RTL4: variants seen among roughly 807,000 people sequenced by gnomAD.
The protein encoded by RTL4 is retrotransposon Gag like 4.
Under a neutral mutation model 5.3 loss-of-function variants are expected in RTL4, and 4 were observed. The observed-to-expected ratio is 0.75, with a 90% confidence interval of 0.37 to 1.72. RTL4 has a LOEUF of 1.72. Ranked by LOEUF, RTL4 falls within the 40% of genes most tolerant of loss-of-function variation. The pLI is 0.04. For missense variants in RTL4, 260 were observed against 227.1 expected, an observed-to-expected ratio of 1.14 and a Z score of -0.93; for synonymous variants, 98 against 87.3, an observed-to-expected ratio of 1.12 and a Z score of -0.68.
the RTL4 span, among the ~76,000 whole-genome samples, chrX:112,110,032 G>A: frequency 3.6e-5 from 4 of 112,002 alleles, no homozygotes; most frequent in African/African-American, 9.7e-5. Context: ...AATAGGGCCC[G>A]AAGGCGAGTA....
chrX:112,165,436 C>T, the RTL4 span, among the ~76,000 whole-genome samples: 1 of 111,213 alleles, frequency 9.0e-6, no homozygotes, highest in South Asian at 3.8e-4. Flanking sequence ...GTCACTCCAC[C>T]CTCCTGTTCT....
the RTL4 span, among the ~76,000 whole-genome samples, chrX:112,218,951 A>G: frequency 0.25 from 27,810 of 110,991 alleles, 3,351 homozygotes; most frequent in African/African-American, 0.47. Context: ...TCTTAAATGC[A>G]TTTTAGGATT....
At chrX:112,431,169 G>T in the RTL4 span, among the ~76,000 whole-genome samples, 1 of 110,469 alleles carries the variant, frequency 9.1e-6, no homozygotes, top group Non-Finnish European at 1.9e-5. Flanking sequence ...CTCCTACATG[G>T]TAGGTTGGAG....
chrX:112,436,587 A>C, the RTL4 span, among the ~76,000 whole-genome samples: 1 of 111,851 alleles, frequency 8.9e-6, no homozygotes, highest in Non-Finnish European at 1.9e-5. Flanking sequence ...TATTTGCACA[A>C]ATCGATAGGA....
downstream of RTL4, among the ~76,000 whole-genome samples, chrX:112,457,349 A>G (rs1346340798): frequency 1.8e-5 from 2 of 112,169 alleles, no homozygotes; most frequent in Non-Finnish European, 3.8e-5. Context: ...CCCACAACAG[A>G]GACCTGAGTT....
chrX:112,187,778 A>G, the RTL4 span, among the ~76,000 whole-genome samples: 5 of 111,668 alleles, frequency 4.5e-5, no homozygotes, highest in Non-Finnish European at 9.4e-5. Context: ...AACCTCCAAA[A>G]CTAATGATAT....
chrX:112,234,680 G>A, the RTL4 span, among the ~76,000 whole-genome samples: 13 of 112,092 alleles, frequency 1.2e-4, no homozygotes, highest in Admixed American at 7.6e-4. Context: ...GAGCAAATGA[G>A]TAGCGGTAGA....
the RTL4 span, among the ~76,000 whole-genome samples, chrX:112,385,125 T>C: frequency 9.0e-6 from 1 of 111,582 alleles, no homozygotes; most frequent in Non-Finnish European, 1.9e-5. Flanking sequence ...GATATCTGTT[T>C]TGGAAATATT....
the RTL4 span, among the ~76,000 whole-genome samples, chrX:112,165,347 G>C: frequency 8.9e-6 from 1 of 111,865 alleles, no homozygotes; most frequent in Non-Finnish European, 1.9e-5. Context: ...GAAATACATT[G>C]GTCTTAGTCT....
At chrX:112,210,465 T>C in the RTL4 span, among the ~76,000 whole-genome samples, 1 of 112,616 alleles carries the variant, frequency 8.9e-6, no homozygotes, top group Admixed American at 9.4e-5. Flanking sequence ...AGGTTCTGTA[T>C]GACTTTAGCC....
At chrX:112,329,809 C>A in the RTL4 span, among the ~76,000 whole-genome samples, 1 of 111,289 alleles carries the variant, frequency 9.0e-6, no homozygotes, top group Admixed American at 9.6e-5. Context: ...AGCTTATCCA[C>A]CAAGATCAAG....
chrX:112,291,026 G>A, the RTL4 span, among the ~76,000 whole-genome samples: 68 of 111,532 alleles, frequency 6.1e-4, no homozygotes, highest in Non-Finnish European at 1.1e-3. Flanking sequence ...GACAGCTAGC[G>A]GATGGCAGGA....
chrX:112,396,709 A>T, the RTL4 span, among the ~76,000 whole-genome samples: 29 of 110,292 alleles, frequency 2.6e-4, 1 homozygote, highest in Admixed American at 2.4e-3. Flanking sequence ...AAGTTCATAC[A>T]TTTTTTTCAG....
At chrX:112,216,763 G>A in the RTL4 span, among the ~76,000 whole-genome samples, 122 of 111,962 alleles carry the variant, frequency 1.1e-3, no homozygotes, top group Middle Eastern at 4.6e-3. Context: ...TTTTAGTACA[G>A]AGGAAGTAAG....
chrX:112,114,073 C>T, the RTL4 span, among the ~76,000 whole-genome samples: 1 of 111,795 alleles, frequency 8.9e-6, no homozygotes. Context: ...TCAATTGACC[C>T]TCAAGGGAGT....
At chrX:112,174,829 C>G in the RTL4 span, among the ~76,000 whole-genome samples, 1 of 97,129 alleles carries the variant, frequency 1.0e-5, no homozygotes, top group African/African-American at 3.7e-5. Context: ...TCTCTGATGG[C>G]CAGTGATGAT....
chrX:112,417,133 A>G, the RTL4 span, among the ~76,000 whole-genome samples: 1 of 111,263 alleles, frequency 9.0e-6, no homozygotes, highest in Non-Finnish European at 1.9e-5. Context: ...TCAGGCTTGG[A>G]TGCCCAGTAG....
the RTL4 span, among the ~76,000 whole-genome samples, chrX:112,329,012 T>C: frequency 1.8e-5 from 2 of 111,373 alleles, no homozygotes; most frequent in Admixed American, 1.9e-4. Flanking sequence ...CAAAGCAGTG[T>C]GTAGAGGAAA....
At chrX:112,103,952 A>G in the RTL4 span, among the ~76,000 whole-genome samples, 14 of 99,886 alleles carry the variant, frequency 1.4e-4, no homozygotes, top group Admixed American at 5.0e-4. Flanking sequence ...ACAATATATT[A>G]TCATTACAGT....
Sources: gnomAD v4.1 joint callset for allele counts (sites outside exome capture counted in the v4.1 genomes callset) on GRCh38, gnomAD v4.1.1 for gene constraint, MANE v1.5 for transcripts, NCBI Gene and HGNC (gene_info 2026-07-23, HGNC 2026-07-21) for gene names.